LAMA2: variants seen among roughly 807,000 people sequenced by gnomAD.
LAMA2 encodes the protein laminin subunit alpha-2.
LAMA2 carries 269 observed loss-of-function variants against 364.8 expected under a neutral mutation model. The ratio of observed to expected loss-of-function variants is 0.74; its 90% CI spans 0.67 to 0.82. The LOEUF is 0.82. Among genes scored for constraint, LAMA2 ranks in the 40% least tolerant of loss-of-function variants. LAMA2 has a pLI of 0.00. For synonymous variants in LAMA2, 1,379 were observed against 1,370.6 expected, an observed-to-expected ratio of 1.01 and a Z score of -0.14; for missense variants, 3,807 against 3,873.2, an observed-to-expected ratio of 0.98 and a Z score of 0.45.
At chr6:129,081,376 A>G (rs1774045980) in intron 3 of LAMA2, among the ~76,000 whole-genome samples, 2 of 152,234 alleles carry the variant, frequency 1.3e-5, no homozygotes, top group African/African-American at 2.4e-5. Flanking sequence ...CATGTATCCT[A>G]TAACTTAAAG....
chr6:129,007,307 A>C (rs897849856), intron 1 of LAMA2, among the ~76,000 whole-genome samples: 3 of 152,136 alleles, frequency 2.0e-5, no homozygotes, highest in African/African-American at 7.2e-5. Flanking sequence ...TGTTTCCTCT[A>C]CTGTGGAGTG....
intron 1 of LAMA2, chr6:128,929,821 G>A (rs1779342009): frequency 6.7e-6 from 7 of 1,047,754 alleles, no homozygotes; most frequent in Non-Finnish European, 1.0e-5. Flanking sequence ...CTTGGTAGAA[G>A]ATACGCAGTC....
chr6:129,514,929 A>G (rs1326265861), intron 64 of LAMA2, among the ~76,000 whole-genome samples: 2 of 106,114 alleles, frequency 1.9e-5, no homozygotes, highest in Non-Finnish European at 4.3e-5. Context: ...TGATTTTTTT[A>G]AAATTAATAT....
At chr6:129,348,092 T>A (rs1776656523) in intron 30 of LAMA2, among the ~76,000 whole-genome samples, 1 of 152,224 alleles carries the variant, frequency 6.6e-6, no homozygotes, top group Admixed American at 6.5e-5. Flanking sequence ...GCAGTCAGTA[T>A]CAGGCTTTAA....
At chr6:129,259,343 A>G (rs1335292414) in intron 14 of LAMA2, among the ~76,000 whole-genome samples, 1 of 152,082 alleles carries the variant, frequency 6.6e-6, no homozygotes, top group Non-Finnish European at 1.5e-5. Flanking sequence ...TGAATCACTG[A>G]TCAACAAAAA....
intron 1 of LAMA2, among the ~76,000 whole-genome samples, chr6:128,900,220 A>G (rs1253676701): frequency 6.6e-6 from 1 of 152,202 alleles, no homozygotes; most frequent in Non-Finnish European, 1.5e-5. Context: ...CAGTACCTAT[A>G]TTCTTCTCCT....
intron 1 of LAMA2, among the ~76,000 whole-genome samples, chr6:128,914,391 C>T (rs571289613): frequency 1.3e-5 from 2 of 152,092 alleles, no homozygotes; most frequent in Non-Finnish European, 1.5e-5. Flanking sequence ...CTGAAATCAG[C>T]GAACAAAATG....
In LAMA2 at chr6:129,503,356, G is replaced by A. The variant is rs1000289470; in HGVS notation, c.8547+76G>A. 3.1e-5 allele frequency: 43 copies of A among 1,397,468 alleles called. No individual in the cohort carries two copies. In the African/African-American group the frequency reaches 5.5e-4, roughly 18 times the overall value. The allele number at this position is 1,397,468 out of a possible 1,614,324, so 86.6% of individuals were successfully genotyped here. On this transcript the variant is annotated intron_variant, in intron 60 of 64. Transcript: ENST00000421865. ...AGCCATCAGCATTCTCCTGGTGCCA[G>A]TATATTTTGCCAGGGCAGACACTGA... is the stretch of plus-strand genomic sequence containing the variant.
At chr6:129,257,537 CTTTG>C (rs1212495435) in intron 14 of LAMA2, among the ~76,000 whole-genome samples, 4 of 152,018 alleles carry the variant, frequency 2.6e-5, no homozygotes, top group African/African-American at 7.2e-5. Context: ...TTCCAGAACT[CTTTG>C]TTTAAGTTTT....
At chr6:129,145,323 A>G (rs1778371453) in intron 5 of LAMA2, among the ~76,000 whole-genome samples, 1 of 152,038 alleles carries the variant, frequency 6.6e-6, no homozygotes, top group Non-Finnish European at 1.5e-5. Context: ...GTCCCATGCA[A>G]CATATGTCAG....
intron 1 of LAMA2, among the ~76,000 whole-genome samples, chr6:128,982,502 T>C (rs1454373260): frequency 6.6e-6 from 1 of 152,224 alleles, no homozygotes; most frequent in Non-Finnish European, 1.5e-5. Flanking sequence ...TAGAATGTCA[T>C]GTAAAGTTTA....
intron 37 of LAMA2, among the ~76,000 whole-genome samples, chr6:129,400,303 G>C (rs1304517904): frequency 6.6e-6 from 1 of 152,090 alleles, no homozygotes; most frequent in Admixed American, 6.5e-5. Flanking sequence ...AATTTTCAGG[G>C]GACACAGACA....
intron 12 of LAMA2, among the ~76,000 whole-genome samples, chr6:129,243,955 G>A (rs1435476147): frequency 2.6e-5 from 4 of 151,734 alleles, no homozygotes; most frequent in Non-Finnish European, 5.9e-5. Flanking sequence ...AAAGCAGATA[G>A]GAAGGAAAAA....
rs535572539 is a variant in LAMA2 at position 129,292,688 on chromosome 6, C to T, written c.2856+968C>T. The T allele has an allele frequency of 3.0e-5, 13 of 428,750 alleles. No individual in the cohort carries two copies. The South Asian group carries it at 1.3e-3, about 42-fold the overall frequency. The allele number at this position is 428,750 out of a possible 1,614,324, so 26.6% of individuals were successfully genotyped here. A position where few individuals can be genotyped will look rare whatever the true frequency, so the allele number is the denominator to read the frequency against. On this transcript the variant is annotated intron_variant, in intron 20 of 64. Transcript: ENST00000421865. ...CAGCTAAGCAGAAGCAAGCATTTCT[C>T]CGATGTCAAACTGGCCTTACTGTAG...
intron 12 of LAMA2, among the ~76,000 whole-genome samples, chr6:129,218,816 TG>T (rs2115089936): frequency 6.6e-6 from 1 of 152,302 alleles, no homozygotes; most frequent in Non-Finnish European, 1.5e-5. Context: ...TGTTTTCATT[TG>T]CAGATGCTTA....
chr6:129,212,293 G>GAAGA (rs1324025086), intron 12 of LAMA2, among the ~76,000 whole-genome samples: 1 of 152,298 alleles, frequency 6.6e-6, no homozygotes, highest in East Asian at 1.9e-4. Flanking sequence ...CAAAGAATTT[G>GAAGA]AAGACTGGAA....
At chr6:129,274,666 A>G (rs1397331507) in intron 17 of LAMA2, among the ~76,000 whole-genome samples, 1 of 152,022 alleles carries the variant, frequency 6.6e-6, no homozygotes, top group Non-Finnish European at 1.5e-5. Context: ...AATTATACAT[A>G]TATATCAACT....
intron 34 of LAMA2, among the ~76,000 whole-genome samples, chr6:129,376,150 C>T (rs573785447): frequency 5.1e-4 from 78 of 152,318 alleles, no homozygotes; most frequent in African/African-American, 1.8e-3. Flanking sequence ...ATGATCTAAT[C>T]TCTGCTTCTC....
intron 7 of LAMA2, among the ~76,000 whole-genome samples, chr6:129,151,226 T>A (rs1010130385): frequency 2.0e-5 from 3 of 152,158 alleles, no homozygotes; most frequent in African/African-American, 7.2e-5. Flanking sequence ...GACCGTTTAT[T>A]TGGCATCAGG....
Sources: allele counts gnomAD v4.1 joint callset (sites outside exome capture counted in the v4.1 genomes callset), GRCh38; gene constraint gnomAD v4.1.1; transcripts MANE v1.5; gene names NCBI Gene and HGNC (gene_info 2026-07-23, HGNC 2026-07-21).